KDM4C: variants seen among roughly 807,000 people sequenced by gnomAD.
The protein encoded by KDM4C is lysine demethylase 4C, also known as lysine-specific demethylase 4C.
A neutral mutation model predicts 129.3 loss-of-function variants in KDM4C; 81 were observed. The observed-to-expected ratio is 0.63, with a 90% CI of 0.52 to 0.75. KDM4C has a LOEUF of 0.75. Ranked by LOEUF, KDM4C falls within the 30% of genes least tolerant of loss-of-function variation. The pLI, the probability that KDM4C is intolerant of heterozygous loss-of-function variation, is 0.00. For synonymous variants in KDM4C, 573 were observed against 456.1 expected (o/e 1.26, Z -3.26); for missense variants, 1,457 against 1,304.0 (o/e 1.12, Z -1.81).
intron 4 of KDM4C, among the ~76,000 whole-genome samples, chr9:6,844,157 T>G (rs1188184142): frequency 6.6e-6 from 1 of 152,216 alleles, no homozygotes; most frequent in Non-Finnish European, 1.5e-5. Context: ...AAGCTTTTTC[T>G]CTGTTTTTCA....
At chr9:6,820,980 C>G (rs1832938272) in intron 4 of KDM4C, among the ~76,000 whole-genome samples, 1 of 144,850 alleles carries the variant, frequency 6.9e-6, no homozygotes, top group South Asian at 2.2e-4. Context: ...GTTTGGTTTT[C>G]TGTCCTTGTG....
At chr9:7,148,682 C>T (rs1482099596) in intron 19 of KDM4C, among the ~76,000 whole-genome samples, 1 of 152,144 alleles carries the variant, frequency 6.6e-6, no homozygotes, top group Non-Finnish European at 1.5e-5. Context: ...ATTATGTGGA[C>T]AATTGGAGGG....
chr9:6,722,127 T>A (rs997946168), intron 1 of KDM4C, among the ~76,000 whole-genome samples: 20 of 152,204 alleles, frequency 1.3e-4, no homozygotes, highest in African/African-American at 4.8e-4. Context: ...TCTGTTAGCC[T>A]TGACAAATTT....
intron 8 of KDM4C, among the ~76,000 whole-genome samples, chr9:6,942,110 T>G (rs10815486): frequency 0.74 from 112,707 of 151,954 alleles, 42,286 homozygotes; most frequent in East Asian, 1. Context: ...ATCTTTGTTA[T>G]AATGGGTTTG....
intron 15 of KDM4C, among the ~76,000 whole-genome samples, chr9:7,038,332 T>A (rs1827997855): frequency 1.3e-5 from 2 of 152,102 alleles, no homozygotes; most frequent in South Asian, 4.1e-4. Context: ...CTACTTAAGC[T>A]GTTTTGTCAG....
chr9:6,815,707 G>T (rs962997925), intron 4 of KDM4C, among the ~76,000 whole-genome samples: 2 of 152,130 alleles, frequency 1.3e-5, no homozygotes, highest in African/African-American at 4.8e-5. Flanking sequence ...CAGAAAGTTT[G>T]GGATTTTGGA....
chr9:6,868,710 G>C (rs1038745875), intron 5 of KDM4C, among the ~76,000 whole-genome samples: 1 of 151,870 alleles, frequency 6.6e-6, no homozygotes, highest in African/African-American at 2.4e-5. Flanking sequence ...ACGTATTTTT[G>C]ATCTGTGATT....
chr9:6,908,125 A>G (rs562838235), intron 8 of KDM4C, among the ~76,000 whole-genome samples: 4 of 152,144 alleles, frequency 2.6e-5, no homozygotes. Flanking sequence ...ATAAAAATGG[A>G]TGTAACTTAA....
intron 4 of KDM4C, among the ~76,000 whole-genome samples, chr9:6,840,355 G>A (rs896915456): frequency 6.6e-6 from 1 of 151,794 alleles, no homozygotes; most frequent in African/African-American, 2.4e-5. Flanking sequence ...TTACAGGCAC[G>A]AGCCACTGAA....
At chr9:7,021,114 A>G (rs72703336) in intron 15 of KDM4C, among the ~76,000 whole-genome samples, 1,673 of 131,636 alleles carry the variant, frequency 0.013, 11 homozygotes, top group Non-Finnish European at 0.018. Flanking sequence ...GTACATACAT[A>G]TATATATGTG....
At chr9:6,810,591 G>A (rs548472812) in intron 3 of KDM4C, among the ~76,000 whole-genome samples, 2 of 152,036 alleles carry the variant, frequency 1.3e-5, no homozygotes, top group African/African-American at 4.8e-5. Flanking sequence ...GTTAATTTAC[G>A]CTGGGTACAG....
chr9:6,858,779 CAA>C (rs74638217), intron 5 of KDM4C, among the ~76,000 whole-genome samples: 3 of 134,528 alleles, frequency 2.2e-5, no homozygotes, highest in Non-Finnish European at 3.2e-5. Flanking sequence ...CCCCCCCCGG[CAA>C]AAAAAAAAAA....
intron 4 of KDM4C, among the ~76,000 whole-genome samples, chr9:6,820,707 T>TCC: frequency 9.1e-6 from 1 of 110,164 alleles, no homozygotes; most frequent in South Asian, 3.4e-4. Flanking sequence ...GATCTCTCTC[T>TCC]CTCTCTCTTT....
At chr9:7,076,376 C>T in intron 17 of KDM4C, 1 of 1,235,318 alleles carries the variant, frequency 8.1e-7, no homozygotes, top group Non-Finnish European at 1.2e-6. Context: ...GCTATTTTCA[C>T]TATAATTTAT....
At chr9:7,006,767 G>C (rs914162502) in intron 12 of KDM4C, among the ~76,000 whole-genome samples, 4 of 152,052 alleles carry the variant, frequency 2.6e-5, no homozygotes, top group African/African-American at 9.7e-5. Context: ...TTGTCCTCGA[G>C]TTTTTAATTC....
At chr9:6,850,671 G>A (rs1410758490) in intron 5 of KDM4C, among the ~76,000 whole-genome samples, 2 of 151,606 alleles carry the variant, frequency 1.3e-5, no homozygotes, top group Non-Finnish European at 2.9e-5. Flanking sequence ...AGCTCAGGCA[G>A]TCTGCCCACC....
chr9:7,101,432 C>T (rs921094656), intron 17 of KDM4C, among the ~76,000 whole-genome samples: 1 of 152,200 alleles, frequency 6.6e-6, no homozygotes, highest in African/African-American at 2.4e-5. Context: ...TGGCTCCCCT[C>T]ATAGGTTTTA....
chr9:7,014,763 G>C (rs760462555), intron 14 of KDM4C, among the ~76,000 whole-genome samples: 73 of 152,162 alleles, frequency 4.8e-4, no homozygotes, highest in Admixed American at 1.2e-3. Flanking sequence ...ATTTACCTCA[G>C]AGTAATAATT....
intron 18 of KDM4C, among the ~76,000 whole-genome samples, chr9:7,110,329 C>G (rs1036542789): frequency 6.6e-6 from 1 of 152,160 alleles, no homozygotes; most frequent in African/African-American, 2.4e-5. Flanking sequence ...ACTAGAGCCA[C>G]TTTAGTGACA....
Sources: gnomAD v4.1 joint callset for allele counts (sites outside exome capture counted in the v4.1 genomes callset) on GRCh38, gnomAD v4.1.1 for gene constraint, MANE v1.5 for transcripts, NCBI Gene and HGNC (gene_info 2026-07-23, HGNC 2026-07-21) for gene names.